RBFOX1: variants seen among roughly 807,000 people sequenced by gnomAD.
RBFOX1 encodes RNA binding fox-1 homolog 1, also known as RNA binding protein fox-1 homolog 1.
RBFOX1 carries 8 observed loss-of-function variants against 57.7 expected under a neutral mutation model. The ratio of observed to expected loss-of-function variants is 0.14; its 90% CI spans 0.08 to 0.25. The LOEUF (loss-of-function observed/expected upper bound fraction) is 0.25, where lower values mean the gene tolerates loss of function less well. Among genes scored for constraint, RBFOX1 ranks in the 10% least tolerant of loss-of-function variants. The pLI is 1.00. For synonymous variants in RBFOX1, 326 were observed against 222.4 expected, an observed-to-expected ratio of 1.47 and a Z score of -4.15; for missense variants, 611 against 548.5, an observed-to-expected ratio of 1.11 and a Z score of -1.14.
chr16:6,901,364 C>T (rs73529642), intron 3 of RBFOX1, among the ~76,000 whole-genome samples: 2,391 of 152,186 alleles, frequency 0.016, 72 homozygotes, highest in African/African-American at 0.054. Context: ...CCTAGCAAGG[C>T]CAGGGGTGCA....
chr16:6,845,758 C>T (rs114382768), intron 3 of RBFOX1, among the ~76,000 whole-genome samples: 55 of 152,340 alleles, frequency 3.6e-4, no homozygotes, highest in African/African-American at 1.3e-3. Context: ...ACACAACTCA[C>T]ACTGGTCTTT....
intron 3 of RBFOX1, among the ~76,000 whole-genome samples, chr16:6,754,453 C>G (rs761205217): frequency 6.6e-6 from 1 of 152,160 alleles, no homozygotes; most frequent in African/African-American, 2.4e-5. Context: ...GAAGCTCTTT[C>G]CTTTTGTTTC....
At chr16:6,179,427 C>G (rs1296208135) in intron 1 of RBFOX1, among the ~76,000 whole-genome samples, 2 of 152,096 alleles carry the variant, frequency 1.3e-5, no homozygotes, top group East Asian at 3.9e-4. Context: ...TAGAAAAACT[C>G]GAAGTACTGG....
intron 2 of RBFOX1, among the ~76,000 whole-genome samples, chr16:6,508,988 A>T (rs558593938): frequency 1.3e-5 from 2 of 152,206 alleles, no homozygotes; most frequent in African/African-American, 2.4e-5. Context: ...TTTATTTTGT[A>T]GGATTTAATT....
Position 5,571,215 on chromosome 16 carries a change from C to CTTTTTTTT in RBFOX1, c.259-27671_259-27664dup, listed in dbSNP as rs34409151. ...TGGTAGTGAAGTGACCCATCTTTGA[C>CTTTTTTTT]TTTTTTTTTTTTTTTTTTTTTTTGA... On this transcript the variant is annotated intron_variant, in intron 2 of 2. Transcript: ENST00000585867. Among the ~76,000 whole-genome samples the CTTTTTTTT allele has an allele frequency of 4.6e-4, 37 of 79,800 alleles. 1 individual carries two copies. Among genetic ancestry groups the CTTTTTTTT allele is most frequent in the Admixed American group, 1.1e-3 (6 of 5,228 alleles). The allele number at this position is 79,800 out of a possible 152,430, so 52.4% of individuals were successfully genotyped here.
intron 3 of RBFOX1, among the ~76,000 whole-genome samples, chr16:5,662,149 C>G: frequency 6.6e-6 from 1 of 152,138 alleles, no homozygotes; most frequent in Admixed American, 6.6e-5. Flanking sequence ...CCATTTTCCC[C>G]TTTAAATTCC....
chr16:5,722,973 T>A (rs1596967866), intron 3 of RBFOX1, among the ~76,000 whole-genome samples: 1 of 152,196 alleles, frequency 6.6e-6, no homozygotes, highest in South Asian at 2.1e-4. Flanking sequence ...GAGGCCCTAT[T>A]TGTCCACTGC....
At chr16:7,656,768 T>C (rs1555726239) in intron 12 of RBFOX1, among the ~76,000 whole-genome samples, 1 of 152,080 alleles carries the variant, frequency 6.6e-6, no homozygotes, top group Non-Finnish European at 1.5e-5. Context: ...GGGGGTGACA[T>C]ACAAGCCAAC....
chr16:6,659,979 C>G (rs189056355), intron 3 of RBFOX1, among the ~76,000 whole-genome samples: 455 of 152,076 alleles, frequency 3.0e-3, no homozygotes, highest in Non-Finnish European at 5.3e-3. Context: ...GCCTGTAATC[C>G]CAGCACTTTT....
At chr16:6,645,847 C>A (rs571639031) in intron 2 of RBFOX1, among the ~76,000 whole-genome samples, 1 of 152,088 alleles carries the variant, frequency 6.6e-6, no homozygotes, top group African/African-American at 2.4e-5. Flanking sequence ...TAATATGCTT[C>A]TCTTACAAAT....
At chr16:6,206,274 C>T (rs1034847135) in intron 1 of RBFOX1, among the ~76,000 whole-genome samples, 1 of 152,014 alleles carries the variant, frequency 6.6e-6, no homozygotes, top group Non-Finnish European at 1.5e-5. Flanking sequence ...TGTGCTGTTC[C>T]TGTTACCTGG....
At chr16:7,063,140 T>C (rs959123011) in intron 4 of RBFOX1, among the ~76,000 whole-genome samples, 1 of 151,896 alleles carries the variant, frequency 6.6e-6, no homozygotes, top group Non-Finnish European at 1.5e-5. Flanking sequence ...AGAAAGGAGC[T>C]CTTGGTTTAG....
intron 1 of RBFOX1, among the ~76,000 whole-genome samples, chr16:5,403,474 C>T (rs533410991): frequency 4.6e-5 from 7 of 151,988 alleles, no homozygotes; most frequent in African/African-American, 1.4e-4. Flanking sequence ...GACGGAGTGT[C>T]ACTGTGCTGC....
At chr16:6,693,640 C>G (rs2060578811) in intron 3 of RBFOX1, among the ~76,000 whole-genome samples, 1 of 151,734 alleles carries the variant, frequency 6.6e-6, no homozygotes. Context: ...TCACTACCAT[C>G]ACCACCACAA....
intron 1 of RBFOX1, among the ~76,000 whole-genome samples, chr16:6,072,032 C>A (rs553759352): frequency 6.6e-6 from 1 of 152,256 alleles, no homozygotes; most frequent in African/African-American, 2.4e-5. Context: ...GGGTAACTTA[C>A]AAAGGAAAAG....
At chr16:6,421,275 C>G (rs142965900) in intron 2 of RBFOX1, among the ~76,000 whole-genome samples, 48 of 152,312 alleles carry the variant, frequency 3.2e-4, no homozygotes, top group African/African-American at 9.9e-4. Context: ...TGGAGCCGCT[C>G]TCTATGGGAG....
chr16:5,749,504 A>G (rs150609517), intron 3 of RBFOX1, among the ~76,000 whole-genome samples: 2,056 of 152,288 alleles, frequency 0.014, 36 homozygotes, highest in Non-Finnish European at 0.019. Context: ...CAGGTACACC[A>G]ATCAGATGTA....
intron 2 of RBFOX1, among the ~76,000 whole-genome samples, chr16:5,546,729 G>C (rs1430203333): frequency 1.3e-5 from 2 of 152,082 alleles, no homozygotes; most frequent in African/African-American, 2.4e-5. Flanking sequence ...CCAAAAACAA[G>C]ACCTATTAAA....
At chr16:7,206,033 C>T (rs546135935) in intron 4 of RBFOX1, among the ~76,000 whole-genome samples, 25 of 152,238 alleles carry the variant, frequency 1.6e-4, no homozygotes, top group Middle Eastern at 3.4e-3. Flanking sequence ...CACCCAGAGG[C>T]GAGTAGGATG....
Sources: gnomAD v4.1 joint callset for allele counts (sites outside exome capture counted in the v4.1 genomes callset) on GRCh38, gnomAD v4.1.1 for gene constraint, MANE v1.5 for transcripts, NCBI Gene and HGNC (gene_info 2026-07-23, HGNC 2026-07-21) for gene names.